The following MAP2K6 variants were observed in gnomAD, a reference collection of about 807,000 sequenced individuals.
The protein encoded by MAP2K6 is dual specificity mitogen-activated protein kinase kinase 6.
A neutral mutation model predicts 53.7 loss-of-function variants in MAP2K6; 16 were observed. The ratio of observed to expected loss-of-function variants is 0.30; its 90% CI spans 0.20 to 0.45. The LOEUF (loss-of-function observed/expected upper bound fraction) is 0.45. Ranked by LOEUF, MAP2K6 falls within the 20% of genes least tolerant of loss-of-function variation. The pLI, the probability that MAP2K6 is intolerant of heterozygous loss-of-function variation, is 1.00. For missense variants in MAP2K6, 204 were observed against 411.9 expected, an observed-to-expected ratio of 0.50 and a Z score of 4.37; for synonymous variants, 132 against 143.1, an observed-to-expected ratio of 0.92 and a Z score of 0.55.
intron 9 of MAP2K6, among the ~76,000 whole-genome samples, chr17:69,525,620 G>T (rs1260617736): frequency 6.6e-6 from 1 of 152,214 alleles, no homozygotes; most frequent in Non-Finnish European, 1.5e-5. Context: ...GAGAGAATGA[G>T]ATGAGACAGC....
At chr17:69,517,159 T>A (rs535106543) in intron 3 of MAP2K6, among the ~76,000 whole-genome samples, 6 of 151,610 alleles carry the variant, frequency 4.0e-5, no homozygotes, top group African/African-American at 1.5e-4. Flanking sequence ...AGCTCAGACA[T>A]AATCTAGTTG....
chr17:69,492,324 C>T (rs1254838369), intron 1 of MAP2K6, among the ~76,000 whole-genome samples: 3 of 152,044 alleles, frequency 2.0e-5, no homozygotes, highest in Non-Finnish European at 2.9e-5. Flanking sequence ...AGTTGGTTTT[C>T]GTATATGGTA....
At chr17:69,464,020 C>A (rs1270645836) in intron 1 of MAP2K6, among the ~76,000 whole-genome samples, 1 of 152,032 alleles carries the variant, frequency 6.6e-6, no homozygotes, top group Non-Finnish European at 1.5e-5. Context: ...ACCAGTACAA[C>A]AAAACCAGTT....
At chr17:69,523,221 C>T (rs1910576811) in intron 7 of MAP2K6, among the ~76,000 whole-genome samples, 1 of 152,116 alleles carries the variant, frequency 6.6e-6, no homozygotes, top group Non-Finnish European at 1.5e-5. Context: ...ATTTTTTAGG[C>T]TCTTACTACA....
Position 69,552,824 on chromosome 17 carries a change from T to C in MAP2K6, c.*11071T>C, listed in dbSNP as rs898191149. ...CCAAACATTTTCATTTTAGGCTAGC[T>C]TTCCTGTCACCCAGGTTGTGTGCAT... On this transcript the variant is annotated 3_prime_UTR_variant, in exon 12 of 12. Coordinates refer to ENST00000590474, the MANE Select transcript of MAP2K6 (RefSeq NM_002758.4). 4.6e-5 allele frequency: 7 copies of C among 152,308 alleles called. No individual in the cohort carries two copies. In the Middle Eastern group the frequency reaches 0.01, roughly 222 times the overall value. 9.4% of individuals were successfully genotyped at this position (152,308 alleles called of 1,614,324 possible). A position where few individuals can be genotyped will look rare whatever the true frequency, so the allele number is the denominator to read the frequency against.
intron 1 of MAP2K6, among the ~76,000 whole-genome samples, chr17:69,467,891 A>G (rs774288826): frequency 2.6e-5 from 4 of 151,794 alleles, no homozygotes; most frequent in African/African-American, 9.7e-5. Flanking sequence ...TCAGCCTCCC[A>G]AGTAGCTGGG....
rs772417244 is a variant in MAP2K6 at position 69,494,826 on chromosome 17, C to T, written c.17-10954C>T. Among the ~76,000 whole-genome samples the T allele has an allele frequency of 2.0e-5, 3 of 151,412 alleles. No homozygotes were observed. Among genetic ancestry groups the T allele is most frequent in the African/African-American group, 4.9e-5 (2 of 41,220 alleles). On this transcript the variant is annotated intron_variant, in intron 1 of 11. Transcript: ENST00000590474. The surrounding 1 kb of genome is among the most constrained non-coding windows in gnomAD (Gnocchi z 4.2). Reference sequence around the variant, plus strand: ...TTCGAGACCAGCCTGGCCAACATGGCGAAACCCTGTTTCTACTAAAAATAC... The same window carrying T: ...TTCGAGACCAGCCTGGCCAACATGGTGAAACCCTGTTTCTACTAAAAATAC...
At chr17:69,502,759 C>T (rs924011393) in intron 1 of MAP2K6, 29 of 922,900 alleles carry the variant, frequency 3.1e-5, no homozygotes, top group Non-Finnish European at 3.5e-5. Flanking sequence ...GAATCAAAGG[C>T]CTTCTCCTCC....
chr17:69,473,216 GA>G (rs1908038179), intron 1 of MAP2K6, among the ~76,000 whole-genome samples: 1 of 152,230 alleles, frequency 6.6e-6, no homozygotes, highest in Admixed American at 6.5e-5. Context: ...AGAAACTGTT[GA>G]AAATGTTAAG....
rs184904693 is a variant in MAP2K6, at chr17:69,542,488, A to G, written c.*735A>G. 1.3e-5 allele frequency: 2 copies of G among 152,606 alleles called. No homozygotes were observed. The highest frequency in any genetic ancestry group is 6.5e-5 in the Admixed American group (1 of 15,310). 9.5% of individuals were successfully genotyped at this position (152,606 alleles called of 1,614,324 possible). A position where few individuals can be genotyped will look rare whatever the true frequency, so the allele number is the denominator to read the frequency against. On this transcript the variant is annotated 3_prime_UTR_variant, in exon 12 of 12. Transcript: ENST00000590474. ...TTTGGAAAACATAAAAATCACTCAT[A>G]TAACAGCTCAAAGAGTAAAACATTT...
chr17:69,436,965 C>T (rs901504092), intron 1 of MAP2K6, among the ~76,000 whole-genome samples: 12 of 152,144 alleles, frequency 7.9e-5, no homozygotes, highest in African/African-American at 2.9e-4. Flanking sequence ...GCTGGGACTA[C>T]AGGTTGCTGC....
At chr17:69,532,293 C>A (rs1490138651) in intron 10 of MAP2K6, among the ~76,000 whole-genome samples, 1 of 152,150 alleles carries the variant, frequency 6.6e-6, no homozygotes, top group East Asian at 1.9e-4. Context: ...TGTGGATGTA[C>A]CAAATAGCCC....
At position 69,522,077 on chromosome 17, in the gene MAP2K6, T is replaced by C. The variant is rs373203453; in HGVS notation, c.535+977T>C. Among the ~76,000 whole-genome samples the C allele has an allele frequency of 2.0e-5, 3 of 152,218 alleles. No individual in the cohort carries two copies. In the East Asian group the frequency reaches 5.8e-4, roughly 29 times the overall value. On this transcript the variant is annotated intron_variant, in intron 7 of 11. Transcript: ENST00000590474. ...ATTGTAGTGATTGTGGTGATTGTAG[T>C]CAGGGAAACTTCTGGGAAGAGATAA...
chr17:69,474,700 C>A (rs1215531469), intron 1 of MAP2K6, among the ~76,000 whole-genome samples: 2 of 152,232 alleles, frequency 1.3e-5, no homozygotes, highest in Non-Finnish European at 2.9e-5. Context: ...GGTAATACTT[C>A]TAGGACCCTG....
intron 1 of MAP2K6, among the ~76,000 whole-genome samples, chr17:69,465,866 G>C (rs915112806): frequency 1.3e-5 from 2 of 151,184 alleles, no homozygotes; most frequent in Non-Finnish European, 3.0e-5. Flanking sequence ...TGATCTGCCC[G>C]CCTTGGCCTC....
chr17:69,429,518 TA>T (rs560489248), intron 1 of MAP2K6, among the ~76,000 whole-genome samples: 47 of 148,554 alleles, frequency 3.2e-4, no homozygotes, highest in African/African-American at 9.4e-4. Context: ...CTGTAAGTCT[TA>T]AAAAAAAAAG....
intron 1 of MAP2K6, among the ~76,000 whole-genome samples, chr17:69,480,339 C>A (rs1276548359): frequency 6.6e-6 from 1 of 152,154 alleles, no homozygotes; most frequent in Non-Finnish European, 1.5e-5. Flanking sequence ...GTTCTTCTCA[C>A]CAGCCCTAAC....
At chr17:69,485,873 T>A (rs930445125) in intron 1 of MAP2K6, among the ~76,000 whole-genome samples, 13 of 152,220 alleles carry the variant, frequency 8.5e-5, no homozygotes, top group African/African-American at 2.9e-4. Flanking sequence ...CATCATTTTT[T>A]AAGAAAGTAG....
intron 2 of MAP2K6, among the ~76,000 whole-genome samples, chr17:69,514,788 C>A (rs1204997704): frequency 1.3e-5 from 2 of 152,144 alleles, no homozygotes; most frequent in African/African-American, 4.8e-5. Flanking sequence ...TTTCAAACTC[C>A]TGACCTCAGG....
Sources: gnomAD v4.1 joint callset for allele counts (sites outside exome capture counted in the v4.1 genomes callset) on GRCh38, gnomAD v4.1.1 for gene constraint, Gnocchi (gnomAD v3.1) non-coding constraint, MANE v1.5 for transcripts, NCBI Gene and HGNC (gene_info 2026-07-23, HGNC 2026-07-21) for gene names.